Variants in ASPSCR1 observed in about 807,000 individuals in gnomAD.
ASPSCR1 encodes the protein ASPSCR1 tether for SLC2A4, UBX domain containing.
In ASPSCR1, 55 loss-of-function variants were observed where a neutral mutation model predicts 68.9. The observed-to-expected ratio is 0.80, with a 90% CI of 0.64 to 1.00. The LOEUF is 1.00. Among genes scored for constraint, ASPSCR1 ranks in the 50% least tolerant of loss-of-function variants. The pLI is 0.00. For synonymous variants in ASPSCR1, 352 were observed against 332.6 expected, an observed-to-expected ratio of 1.06 and a Z score of -0.63; for missense variants, 765 against 762.2, an observed-to-expected ratio of 1.00 and a Z score of -0.04.
intron 7 of ASPSCR1, among the ~76,000 whole-genome samples, chr17:81,997,557 G>A (rs1004600870): frequency 1.4e-5 from 2 of 146,470 alleles, no homozygotes; most frequent in Admixed American, 7.1e-5. Flanking sequence ...GCGCGATCTC[G>A]GCTCACTGCA....
Position 81,983,256 on chromosome 17 carries a change from C to A in ASPSCR1, c.159-298C>A, listed in dbSNP as rs1027714055. Among the ~76,000 whole-genome samples, 3 of 152,194 alleles carry A rather than the reference C, an allele frequency of 2.0e-5. No homozygotes were observed. Among genetic ancestry groups the A allele is most frequent in the African/African-American group, 7.2e-5 (3 of 41,460 alleles). ...AGTCGTTCTCTCTGTGTTTTCCGAG[C>A]GTCTGCACTGGGGCTGTCAGCACCC... On this transcript the variant is annotated intron_variant, in intron 2 of 15. Coordinates refer to ENST00000306739, the MANE Select transcript of ASPSCR1 (RefSeq NM_024083.4). The surrounding 1 kb of genome is among the most constrained non-coding windows in gnomAD (Gnocchi z 4.4).
intron 7 of ASPSCR1, among the ~76,000 whole-genome samples, chr17:81,997,147 T>TGGGCTCCGGGA (rs1567973493): frequency 2.6e-5 from 4 of 152,062 alleles, no homozygotes; most frequent in Admixed American, 6.6e-5. Flanking sequence ...TGAGGCCGTG[T>TGGGCTCCGGGA]TGGCTCCATG....
intron 12 of ASPSCR1, among the ~76,000 whole-genome samples, 178 bp downstream of exon 12, chr17:82,012,461 G>A (rs796679159): frequency 6.6e-6 from 1 of 152,186 alleles, no homozygotes; most frequent in Non-Finnish European, 1.5e-5. Context: ...CTTCTGACAC[G>A]GCTTTCCGGC....
intron 3 of ASPSCR1, among the ~76,000 whole-genome samples, chr17:81,985,109 C>G (rs2041947913): frequency 6.6e-6 from 1 of 150,598 alleles, no homozygotes; most frequent in South Asian, 2.1e-4. Context: ...CATACCCGCA[C>G]ACACCTGCAT....
At chr17:82,015,526 C>A in intron 12 of ASPSCR1, 1 of 874,966 alleles carries the variant, frequency 1.1e-6, no homozygotes, top group Non-Finnish European at 1.7e-6. Flanking sequence ...CCTGTGGGGG[C>A]TATGATGAGA....
chr17:81,992,575 G>A (rs190673778), intron 4 of ASPSCR1, among the ~76,000 whole-genome samples: 61 of 152,272 alleles, frequency 4.0e-4, no homozygotes, highest in Non-Finnish European at 8.4e-4. Flanking sequence ...GACCATCTCC[G>A]GACCCCTGGC....
chr17:82,010,941 A>C (rs1160480174), intron 10 of ASPSCR1, 73 bp downstream of exon 10: 32 of 1,550,636 alleles, frequency 2.1e-5, no homozygotes, highest in Non-Finnish European at 2.7e-5. Context: ...CCTTCCTTCC[A>C]GGCCACAGGA....
At chr17:82,002,739 G>GT (rs538829216) in intron 7 of ASPSCR1, among the ~76,000 whole-genome samples, 1 of 151,864 alleles carries the variant, frequency 6.6e-6, no homozygotes, top group Non-Finnish European at 1.5e-5. Context: ...TGTATTTTTA[G>GT]TAGAGATGGG....
At chr17:82,016,427 GGGGTGCTCT>G (rs1246220698) in intron 12 of ASPSCR1, 40 bp from the exon 13 acceptor site, 15 of 1,508,480 alleles carry the variant, frequency 9.9e-6, no homozygotes, top group Non-Finnish European at 1.3e-5. Context: ...TCACAGCAGG[GGGGTGCTCT>G]GCCCACACCC....
Position 82,012,247 on chromosome 17 carries a change from A to G in ASPSCR1, c.1317A>G (p.Lys439=), listed in dbSNP as rs1289653642. ...LSFYLFITPP[K]TVLDDHTQTL... ...TCTCCTCAGTCATCACCCCTCCAAA[A>G]ACAGTCCTGGACGACCACACGCAGA... The change falls in exon 12 of 16, where the codon AAA becomes AAG. Residue 439 remains lysine (K), a synonymous_variant. Transcript: ENST00000306739. 6.2e-7 allele frequency: 1 copy of G among 1,613,424 alleles called. No individual in the cohort carries two copies. The highest frequency in any genetic ancestry group is 8.5e-7 in the Non-Finnish European group (1 of 1,179,870).
intron 1 of ASPSCR1, chr17:81,978,760 T>C (rs2041697114): frequency 1.3e-5 from 3 of 235,176 alleles, no homozygotes; most frequent in Non-Finnish European, 2.6e-5. Flanking sequence ...GGCTTTGGCT[T>C]TTTATGGAGA....
rs2041760480 is a variant in ASPSCR1, at chr17:81,980,467, G to C, written c.158+1228G>C. On this transcript the variant is annotated intron_variant, in intron 2 of 15. Coordinates refer to ENST00000306739, the MANE Select transcript of ASPSCR1 (RefSeq NM_024083.4). The stretch of plus-strand genomic sequence containing the variant: ...ACCACGTGAGAATCCCAGGACCTGT[G>C]CTCTGAATGCCAGGTGGTCTTGGGC... Among the ~76,000 whole-genome samples, 3 of 152,228 alleles carry C rather than the reference G, an allele frequency of 2.0e-5. No homozygotes were observed. In the South Asian group the frequency reaches 6.2e-4, roughly 31 times the overall value.
chr17:82,009,293 C>T (rs1359041675), intron 8 of ASPSCR1, 102 bp downstream of exon 8: 6 of 1,452,816 alleles, frequency 4.1e-6, no homozygotes, highest in Non-Finnish European at 5.5e-6. Context: ...GGCTCCCGGC[C>T]CAGGTCCCTG....
rs537897694 is a variant in ASPSCR1 at position 82,001,074 on chromosome 17, G to A, written c.933+4228G>A. On this transcript the variant is annotated intron_variant, in intron 7 of 15. Transcript: ENST00000306739. ...TTCCTCAGCACCCCTGCTCACACCC[G>A]GCCCTCTGTGGCTGACAGCCGGTGT... is the stretch of plus-strand genomic sequence containing the variant. 4.2e-4 allele frequency among the ~76,000 whole-genome samples: 64 copies of A among 152,338 alleles called. No individual in the cohort carries two copies. In the South Asian group the frequency reaches 0.011, roughly 27 times the overall value.
At chr17:81,998,637 A>G (rs2042432588) in intron 7 of ASPSCR1, among the ~76,000 whole-genome samples, 1 of 152,252 alleles carries the variant, frequency 6.6e-6, no homozygotes, top group South Asian at 2.1e-4. Context: ...TGTTTTCAGC[A>G]TCAATGGAGA....
chr17:81,985,125 C>T (rs1017159898), intron 3 of ASPSCR1, among the ~76,000 whole-genome samples: 2 of 149,908 alleles, frequency 1.3e-5, no homozygotes, highest in African/African-American at 4.9e-5. Context: ...TGCATGTAAA[C>T]ATGCACACAC....
At chr17:82,016,571 T>C (rs1334449036) in intron 13 of ASPSCR1, 44 bp downstream of exon 13, 3 of 1,548,458 alleles carry the variant, frequency 1.9e-6, no homozygotes, top group East Asian at 2.4e-5. Flanking sequence ...CCAGCCAGCC[T>C]GTCCCTGGAC....
intron 7 of ASPSCR1, chr17:82,006,053 ATGTCCTTGCGTGTGCG>A (rs1430549499): frequency 3.9e-5 from 6 of 152,558 alleles, no homozygotes; most frequent in East Asian, 1.9e-4. Context: ...TGTTGTGTGC[ATGTCCTTGCGTGTGCG>A]TGTCCTTGCG....
intron 13 of ASPSCR1, 26 bp from the exon 14 acceptor site, chr17:82,016,774 C>T: frequency 1.2e-6 from 2 of 1,603,576 alleles, no homozygotes; most frequent in Non-Finnish European, 1.7e-6. Flanking sequence ...CTCAGAGGCT[C>T]AGGGTGAGCT....
Sources: gnomAD v4.1 joint callset for allele counts (sites outside exome capture counted in the v4.1 genomes callset) on GRCh38, gnomAD v4.1.1 for gene constraint, Gnocchi (gnomAD v3.1) non-coding constraint, MANE v1.5 for transcripts, NCBI Gene and HGNC (gene_info 2026-07-23, HGNC 2026-07-21) for gene names.